Variants in ACSM2A observed in about 807,000 individuals in gnomAD.
ACSM2A encodes the protein acyl-CoA synthetase medium chain family member 2A.
ACSM2A carries 72 observed loss-of-function variants against 76.6 expected under a neutral mutation model. The observed-to-expected ratio is 0.94, with a 90% confidence interval of 0.78 to 1.14. The LOEUF (loss-of-function observed/expected upper bound fraction) is 1.14. Ranked by LOEUF, ACSM2A falls within the 50% of genes most tolerant of loss-of-function variation. ACSM2A has a pLI of 0.00. For missense variants in ACSM2A, 684 were observed against 708.5 expected (o/e 0.97, Z 0.39); for synonymous variants, 249 against 255.9 (o/e 0.97, Z 0.26).
intron 9 of ACSM2A, among the ~76,000 whole-genome samples, chr16:20,477,854 T>C (rs2013842062): frequency 6.6e-6 from 1 of 152,220 alleles, no homozygotes; most frequent in African/African-American, 2.4e-5. Flanking sequence ...AAATAGTATA[T>C]ATCCACTGCT....
At chr16:20,480,193 T>A (rs150060904) in intron 10 of ACSM2A, among the ~76,000 whole-genome samples, 101 of 152,276 alleles carry the variant, frequency 6.6e-4, no homozygotes, top group Non-Finnish European at 1.3e-3. Context: ...ACAAAGAAGC[T>A]AAGAAAATTA....
intron 12 of ACSM2A, 45 bp from the exon 13 acceptor site, chr16:20,483,013 C>G: frequency 3.1e-6 from 5 of 1,607,636 alleles, no homozygotes; most frequent in Non-Finnish European, 2.6e-6. Context: ...CAGGAGATGA[C>G]TACACACTCT....
intron 9 of ACSM2A, among the ~76,000 whole-genome samples, chr16:20,477,890 G>A (rs1179049577): frequency 6.6e-6 from 1 of 152,158 alleles, no homozygotes; most frequent in Non-Finnish European, 1.5e-5. Context: ...TGGACCAAGG[G>A]ATGATGTCCC....
intron 4 of ACSM2A, chr16:20,470,806 T>G (rs768622631): frequency 3.2e-6 from 2 of 630,288 alleles, no homozygotes; most frequent in South Asian, 3.0e-5. Flanking sequence ...TGATCTCACT[T>G]TTTTTGCAGA....
chr16:20,467,318 G>A (rs967603794), intron 3 of ACSM2A, among the ~76,000 whole-genome samples: 4 of 151,746 alleles, frequency 2.6e-5, no homozygotes, highest in Non-Finnish European at 4.4e-5. Flanking sequence ...TGGTGAATGG[G>A]AAATGATTGA....
At chr16:20,455,781 T>TG (rs1435657583) in intron 1 of ACSM2A, among the ~76,000 whole-genome samples, 1 of 150,514 alleles carries the variant, frequency 6.6e-6, no homozygotes, top group Non-Finnish European at 1.5e-5. Context: ...GCACAATGAA[T>TG]GGAATAGTAC....
intron 11 of ACSM2A, 34 bp from the exon 12 acceptor site, chr16:20,480,788 T>G (rs901624776): frequency 1.2e-6 from 2 of 1,613,682 alleles, no homozygotes; most frequent in African/African-American, 1.3e-5. Flanking sequence ...AGGTTCGGTG[T>G]CCAGTGTTCT....
intron 13 of ACSM2A, among the ~76,000 whole-genome samples, chr16:20,484,844 G>A (rs2014302012): frequency 6.6e-6 from 1 of 152,168 alleles, no homozygotes; most frequent in Non-Finnish European, 1.5e-5. Flanking sequence ...GTCTCTGGCT[G>A]AGGCAATCCT....
At chr16:20,465,155 A>G (rs9923280) in intron 2 of ACSM2A, among the ~76,000 whole-genome samples, 56,463 of 151,834 alleles carry the variant, frequency 0.37, 11,017 homozygotes, top group East Asian at 0.78. Flanking sequence ...GAATTGCAGA[A>G]TAAATAGACG....
intron 9 of ACSM2A, among the ~76,000 whole-genome samples, chr16:20,477,665 C>T (rs915745591): frequency 4.6e-5 from 7 of 152,004 alleles, no homozygotes; most frequent in Admixed American, 2.6e-4. Flanking sequence ...CCAGAAGGAC[C>T]CACTTTGAAT....
At chr16:20,452,182 G>C (rs2011796721) in intron 1 of ACSM2A, 1 of 152,138 alleles carries the variant, frequency 6.6e-6, no homozygotes, top group African/African-American at 2.4e-5. Flanking sequence ...GGATGTGTCT[G>C]TGAGGGTGTT....
chr16:20,471,047 A>G, intron 4 of ACSM2A, 26 bp from the exon 5 acceptor site: 2 of 1,612,110 alleles, frequency 1.2e-6, no homozygotes, highest in Non-Finnish European at 1.7e-6. Flanking sequence ...TAGCTCTGAA[A>G]AAATGACAAT....
At chr16:20,469,978 C>T (rs924981701) in intron 4 of ACSM2A, among the ~76,000 whole-genome samples, 1 of 144,614 alleles carries the variant, frequency 6.9e-6, no homozygotes, top group Non-Finnish European at 1.5e-5. Flanking sequence ...GGATTGTCCT[C>T]TAAAGGATTG....
chr16:20,458,772 G>A (rs1434379434), intron 1 of ACSM2A, among the ~76,000 whole-genome samples: 2 of 142,146 alleles, frequency 1.4e-5, no homozygotes, highest in African/African-American at 2.5e-5. Context: ...GAAAGGCACA[G>A]GAGTGTGGCA....
intron 4 of ACSM2A, chr16:20,470,837 C>T (rs5008467): frequency 4.3e-5 from 30 of 690,766 alleles, no homozygotes; most frequent in South Asian, 1.3e-4. Flanking sequence ...GACACAGAGA[C>T]GTTAAATAAG....
intron 3 of ACSM2A, among the ~76,000 whole-genome samples, chr16:20,467,588 A>C (rs2013087777): frequency 6.6e-6 from 1 of 152,180 alleles, no homozygotes; most frequent in African/African-American, 2.4e-5. Context: ...AGGGTTATTC[A>C]AAGGAGATGC....
At chr16:20,480,034 G>T (rs192753705) in intron 10 of ACSM2A, among the ~76,000 whole-genome samples, 1 of 152,338 alleles carries the variant, frequency 6.6e-6, no homozygotes, top group African/African-American at 2.4e-5. Flanking sequence ...ATAGGAAGAT[G>T]CACTGACAAG....
intron 2 of ACSM2A, among the ~76,000 whole-genome samples, chr16:20,463,775 T>A (rs558602718): frequency 6.6e-6 from 1 of 152,304 alleles, no homozygotes; most frequent in South Asian, 2.1e-4. Flanking sequence ...CAGTATTTGG[T>A]TTTTTGTGTC....
chr16:20,459,227 C>T (rs1235692517), intron 1 of ACSM2A, among the ~76,000 whole-genome samples: 2 of 151,938 alleles, frequency 1.3e-5, no homozygotes, highest in Non-Finnish European at 2.9e-5. Context: ...GTATACTCCT[C>T]GGGTGATGGG....
Sources: gnomAD v4.1 joint callset for allele counts (sites outside exome capture counted in the v4.1 genomes callset) on GRCh38, gnomAD v4.1.1 for gene constraint, MANE v1.5 for transcripts, NCBI Gene and HGNC (gene_info 2026-07-23, HGNC 2026-07-21) for gene names.